The following CMIP variants were observed in gnomAD, a reference collection of about 807,000 sequenced individuals.
CMIP encodes the protein C-Maf-inducing protein.
Under a neutral mutation model 97.3 loss-of-function variants are expected in CMIP, and 13 were observed. That is an observed-to-expected ratio of 0.13 (90% CI 0.09 to 0.21). The LOEUF is 0.21. Among genes scored for constraint, CMIP ranks in the 10% least tolerant of loss-of-function variants. The pLI, the probability that CMIP is intolerant of heterozygous loss-of-function variation, is 1.00. For synonymous variants in CMIP, 538 were observed against 436.3 expected, an observed-to-expected ratio of 1.23 and a Z score of -2.91; for missense variants, 847 against 1,024.9, an observed-to-expected ratio of 0.83 and a Z score of 2.37.
intron 1 of CMIP, among the ~76,000 whole-genome samples, chr16:81,599,988 A>C (rs1201677839): frequency 6.6e-6 from 1 of 152,136 alleles, no homozygotes; most frequent in Admixed American, 6.5e-5. Flanking sequence ...TCATCATTAA[A>C]AAAAGATATA....
At chr16:81,677,625 G>T (rs573802092) in intron 9 of CMIP, among the ~76,000 whole-genome samples, 53 of 152,340 alleles carry the variant, frequency 3.5e-4, no homozygotes, top group Admixed American at 1.0e-3. Flanking sequence ...ACAAATGTGA[G>T]ATTAATAATG....
intron 20 of CMIP, among the ~76,000 whole-genome samples, chr16:81,708,284 G>A (rs1908377055): frequency 6.6e-6 from 1 of 152,238 alleles, no homozygotes; most frequent in Admixed American, 6.5e-5. Context: ...GGTGGCGTCT[G>A]CAGACCAGCA....
chr16:81,528,381 T>C (rs761323436), intron 1 of CMIP, among the ~76,000 whole-genome samples: 62 of 152,272 alleles, frequency 4.1e-4, no homozygotes, highest in Non-Finnish European at 4.0e-4. Flanking sequence ...GGATACATTT[T>C]TAAAAGCTGG....
chr16:81,662,619 G>A (rs1336455346), intron 6 of CMIP, among the ~76,000 whole-genome samples: 1 of 152,176 alleles, frequency 6.6e-6, no homozygotes, highest in African/African-American at 2.4e-5. Context: ...TCCAAGATCT[G>A]AGGAAAGTTT....
chr16:81,520,646 G>GATT (rs2090006454), intron 1 of CMIP: 1 of 150,934 alleles, frequency 6.6e-6, no homozygotes, highest in Admixed American at 6.6e-5. Context: ...GATGAGCTGT[G>GATT]ATTAATAAGT....
rs1183539789 is a variant in CMIP at position 81,652,180 on chromosome 16, G to C, written c.478-23G>C. 2 of 1,594,568 alleles carry C rather than the reference G, an allele frequency of 1.3e-6. No individual in the cohort carries two copies. The highest frequency in any genetic ancestry group is 3.4e-5 in the Admixed American group (2 of 59,592). On this transcript the variant is annotated intron_variant, in intron 3 of 20. Transcript: ENST00000537098. This position sits in a 1 kb window ranked among gnomAD's most constrained non-coding sequence, Gnocchi z 5.2. ...TTCCTTACGTGAGTAACATGTTGCTGTCTCTTTATCTCTTTCAACCAGAAA... is the reference window on the plus strand; with the variant it reads ...TTCCTTACGTGAGTAACATGTTGCTCTCTCTTTATCTCTTTCAACCAGAAA...
At chr16:81,698,212 C>CT (rs1192206122) in intron 14 of CMIP, 1 of 152,216 alleles carries the variant, frequency 6.6e-6, no homozygotes, top group Non-Finnish European at 1.5e-5. Flanking sequence ...GATGAGGCTG[C>CT]TTTCTCCACC....
chr16:81,555,814 C>T (rs945390335), intron 1 of CMIP, among the ~76,000 whole-genome samples: 3 of 152,142 alleles, frequency 2.0e-5, no homozygotes, highest in Non-Finnish European at 4.4e-5. Flanking sequence ...TCTGGTCTGC[C>T]CTGGTTGGGG....
chr16:81,502,069 A>G (rs1269582856), intron 1 of CMIP, among the ~76,000 whole-genome samples: 1 of 152,230 alleles, frequency 6.6e-6, no homozygotes, highest in Non-Finnish European at 1.5e-5. Context: ...TAAATAGAGT[A>G]GTCTGCAGAG....
intron 3 of CMIP, among the ~76,000 whole-genome samples, chr16:81,649,716 A>T (rs1410479855): frequency 1.3e-5 from 2 of 152,238 alleles, no homozygotes; most frequent in Non-Finnish European, 2.9e-5. Flanking sequence ...TGTGCAGCTG[A>T]TCAGAAGAGT....
chr16:81,645,359 T>C, intron 3 of CMIP: 1 of 1,428,366 alleles, frequency 7.0e-7, no homozygotes, highest in Non-Finnish European at 9.2e-7. Flanking sequence ...TGCTTGGGTG[T>C]GTACGCGCGC....
At chr16:81,671,365 A>G (rs1205327158) in intron 8 of CMIP, among the ~76,000 whole-genome samples, 2 of 152,232 alleles carry the variant, frequency 1.3e-5, no homozygotes, top group African/African-American at 4.8e-5. Flanking sequence ...TACAGGTGTT[A>G]TCCTCAGGAC....
intron 19 of CMIP, 103 bp from the exon 20 acceptor site, chr16:81,706,911 A>AG: frequency 1.1e-6 from 1 of 927,698 alleles, no homozygotes; most frequent in East Asian, 2.4e-5. Flanking sequence ...ATCTCCTAAC[A>AG]GGGGGCCTGG....
intron 1 of CMIP, among the ~76,000 whole-genome samples, chr16:81,521,003 G>A (rs1001471043): frequency 4.6e-5 from 7 of 152,158 alleles, no homozygotes; most frequent in Admixed American, 3.9e-4. Flanking sequence ...AGGACCCCCC[G>A]CCCCCTGGGC....
intron 6 of CMIP, 74 bp from the exon 7 acceptor site, chr16:81,664,195 G>T (rs2092578582): frequency 2.1e-6 from 3 of 1,441,986 alleles, no homozygotes; most frequent in South Asian, 1.3e-5. Context: ...ACTGTCCCCA[G>T]CCCTGCTAGC....
At chr16:81,650,275 GCCT>G (rs2092412500) in intron 3 of CMIP, among the ~76,000 whole-genome samples, 1 of 152,316 alleles carries the variant, frequency 6.6e-6, no homozygotes, top group Admixed American at 6.5e-5. Flanking sequence ...GGCTGCCCTG[GCCT>G]CCTCTGCTCT....
chr16:81,486,799 C>G (rs1305730897), intron 1 of CMIP, among the ~76,000 whole-genome samples: 1 of 152,280 alleles, frequency 6.6e-6, no homozygotes, highest in Non-Finnish European at 1.5e-5. Context: ...GAAGCCCGGC[C>G]CCAACAGCCG....
chr16:81,668,629 G>T (rs2092637618), intron 7 of CMIP, among the ~76,000 whole-genome samples: 1 of 152,128 alleles, frequency 6.6e-6, no homozygotes, highest in African/African-American at 2.4e-5. Flanking sequence ...GGGGCCTGGT[G>T]CAGGCGCTGC....
At chr16:81,544,636 G>A (rs2150844604) in intron 1 of CMIP, among the ~76,000 whole-genome samples, 1 of 152,090 alleles carries the variant, frequency 6.6e-6, no homozygotes, top group East Asian at 1.9e-4. Flanking sequence ...GTGCATGTGT[G>A]TGTGCCTGTG....
Sources: gnomAD v4.1 joint callset for allele counts (sites outside exome capture counted in the v4.1 genomes callset) on GRCh38, gnomAD v4.1.1 for gene constraint, Gnocchi (gnomAD v3.1) non-coding constraint, MANE v1.5 for transcripts, NCBI Gene and HGNC (gene_info 2026-07-23, HGNC 2026-07-21) for gene names.